AGPAT5: variants seen among roughly 807,000 people sequenced by gnomAD.
The protein encoded by AGPAT5 is 1-acylglycerol-3-phosphate O-acyltransferase 5, also known as 1-acyl-sn-glycerol-3-phosphate acyltransferase epsilon.
A neutral mutation model predicts 45.6 loss-of-function variants in AGPAT5; 46 were observed. The observed-to-expected ratio is 1.01, with a 90% CI of 0.80 to 1.29. AGPAT5 has a LOEUF of 1.29. Ranked by LOEUF, AGPAT5 falls within the 50% of genes most tolerant of loss-of-function variation. AGPAT5 has a pLI of 0.00. For missense variants in AGPAT5, 673 were observed against 450.7 expected (o/e 1.49, Z -4.47); for synonymous variants, 272 against 167.0 (o/e 1.63, Z -4.85).
Position 6,757,333 on chromosome 8 carries a change from A to G in AGPAT5, c.1040A>G (p.Asn347Ser). The change falls in exon 8 of 8, where the codon AAC becomes AGC. Residue 347 changes from asparagine to serine, a missense_variant. By Grantham distance (46) the Asn-to-Ser change is conservative. Coordinates refer to ENST00000285518, the MANE Select transcript of AGPAT5 (RefSeq NM_018361.5). Reference protein sequence around the residue: ...MTDAGRKLYVNTWIYGTLLGC... With the variant: ...MTDAGRKLYVSTWIYGTLLGC... ...GATGCTGGAAGGAAGCTGTATGTGAACACCTGGATATATGGAACCCTACTT... is the reference window on the plus strand; with the variant it reads ...GATGCTGGAAGGAAGCTGTATGTGAGCACCTGGATATATGGAACCCTACTT... The G allele has an allele frequency of 6.2e-7, 1 of 1,614,216 alleles. No homozygotes were observed. The highest frequency in any genetic ancestry group is 8.5e-7 in the Non-Finnish European group (1 of 1,180,038).
intron 6 of AGPAT5, among the ~76,000 whole-genome samples, chr8:6,752,143 C>T (rs777057743): frequency 2.0e-5 from 3 of 152,070 alleles, no homozygotes; most frequent in Non-Finnish European, 4.4e-5. Context: ...TGCCACTGGA[C>T]TCTAGCCTGG....
intron 2 of AGPAT5, among the ~76,000 whole-genome samples, chr8:6,726,244 G>A (rs1012631640): frequency 2.6e-5 from 4 of 152,210 alleles, no homozygotes; most frequent in African/African-American, 9.6e-5. Flanking sequence ...TGCTGCTGAT[G>A]GATGTTTCTT....
chr8:6,714,461 T>G (rs909742598), intron 1 of AGPAT5, among the ~76,000 whole-genome samples: 1 of 152,356 alleles, frequency 6.6e-6, no homozygotes, highest in East Asian at 1.9e-4. Context: ...AGAACTCTAT[T>G]TTTACACTTT....
rs1283189028 is a variant in AGPAT5 at position 6,757,597 on chromosome 8, G to A, written c.*209G>A. 3.8e-6 allele frequency: 2 copies of A among 529,732 alleles called. No individual in the cohort carries two copies. The highest frequency in any genetic ancestry group is 3.1e-5 in the East Asian group (1 of 32,090). 32.8% of individuals were successfully genotyped at this position (529,732 alleles called of 1,614,324 possible). ...GTACAACTTTAGCATCGGGGCTGCT[G>A]GAAGGGTAAAAGCTAAATGGAGTTT... On this transcript the variant is annotated 3_prime_UTR_variant, in exon 8 of 8. Coordinates refer to ENST00000285518, the MANE Select transcript of AGPAT5 (RefSeq NM_018361.5).
At chr8:6,723,477 C>A (rs1232056047) in intron 1 of AGPAT5, among the ~76,000 whole-genome samples, 1 of 150,718 alleles carries the variant, frequency 6.6e-6, no homozygotes, top group African/African-American at 2.4e-5. Flanking sequence ...ACCTCAGCCT[C>A]CCCAAAGCAC....
In AGPAT5 at chr8:6,759,709, AG is replaced by A. The variant is rs1474019433; in HGVS notation, c.*2322del. On this transcript the variant is annotated 3_prime_UTR_variant, in exon 8 of 8. Coordinates refer to ENST00000285518, the MANE Select transcript of AGPAT5 (RefSeq NM_018361.5). Reference sequence around the variant, plus strand: ...TTTTTTGACCCTAAAATTCACCAACAGTCTCCCAGTACATAAAATAGGCTTA... The same window carrying A: ...TTTTTTGACCCTAAAATTCACCAACATCTCCCAGTACATAAAATAGGCTTA... 3 of 152,332 alleles carry A rather than the reference AG, an allele frequency of 2.0e-5. No individual in the cohort carries two copies. The highest frequency in any genetic ancestry group is 7.2e-5 in the African/African-American group (3 of 41,570). The allele number at this position is 152,332 out of a possible 1,614,324, so 9.4% of individuals were successfully genotyped here. A position where few individuals can be genotyped will look rare whatever the true frequency, so the allele number is the denominator to read the frequency against.
intron 6 of AGPAT5, among the ~76,000 whole-genome samples, chr8:6,754,642 G>C (rs1049173839): frequency 1.3e-5 from 2 of 152,174 alleles, no homozygotes; most frequent in African/African-American, 4.8e-5. Context: ...AGTCACCATG[G>C]TGACAGGTGA....
At chr8:6,749,176 T>A (rs6989392) in intron 6 of AGPAT5, among the ~76,000 whole-genome samples, 4 of 152,144 alleles carry the variant, frequency 2.6e-5, no homozygotes, top group African/African-American at 9.7e-5. Context: ...GTCTGTTAAA[T>A]AATGATAAGA....
intron 1 of AGPAT5, among the ~76,000 whole-genome samples, chr8:6,716,882 C>T (rs1401494784): frequency 2.0e-5 from 3 of 152,094 alleles, no homozygotes; most frequent in Non-Finnish European, 4.4e-5. Flanking sequence ...GCAGAGTACT[C>T]TAGGGAATTC....
chr8:6,716,497 G>A (rs1800334163), intron 1 of AGPAT5, among the ~76,000 whole-genome samples: 1 of 151,920 alleles, frequency 6.6e-6, no homozygotes, highest in Admixed American at 6.6e-5. Context: ...GGAGGTAGAG[G>A]CTCCAGCTTG....
chr8:6,716,496 G>A (rs528409378), intron 1 of AGPAT5, among the ~76,000 whole-genome samples: 1 of 152,126 alleles, frequency 6.6e-6, no homozygotes, highest in Admixed American at 6.5e-5. Flanking sequence ...GGGAGGTAGA[G>A]GCTCCAGCTT....
chr8:6,741,762 A>C lies in AGPAT5; in HGVS notation c.586+11A>C. Reference sequence around the variant, plus strand: ...TTGCTGCCCAACGTGGTAAGTAAAAATTTGAGTGTTTGAACAAATAATTTT... The same window carrying C: ...TTGCTGCCCAACGTGGTAAGTAAAACTTTGAGTGTTTGAACAAATAATTTT... On this transcript the variant is annotated intron_variant, in intron 5 of 7. Transcript: ENST00000285518. 6.3e-7 allele frequency: 1 copy of C among 1,591,314 alleles called. No individual in the cohort carries two copies. Among genetic ancestry groups the C allele is most frequent in the Non-Finnish European group, 8.6e-7 (1 of 1,164,464 alleles).
Position 6,761,027 on chromosome 8 carries a change from T to C in AGPAT5, c.*3639T>C, listed in dbSNP as rs1338683372. Among the ~76,000 whole-genome samples, 1 of 152,208 alleles carries C rather than the reference T, an allele frequency of 6.6e-6. No homozygotes were observed. Among genetic ancestry groups the C allele is most frequent in the Non-Finnish European group, 1.5e-5 (1 of 68,030 alleles). ...AATTTGTGTATGAAAAGTAAATCTA[T>C]TCCTGTAGCAACTGGGGAGTCATAT... is the stretch of plus-strand genomic sequence containing the variant. On this transcript the variant is annotated 3_prime_UTR_variant, in exon 8 of 8. Coordinates refer to ENST00000285518, the MANE Select transcript of AGPAT5 (RefSeq NM_018361.5).
chr8:6,715,666 G>T (rs1302867044), intron 1 of AGPAT5, among the ~76,000 whole-genome samples: 1 of 152,156 alleles, frequency 6.6e-6, no homozygotes, highest in Non-Finnish European at 1.5e-5. Flanking sequence ...TATATTGGTT[G>T]AAATGAGACC....
At chr8:6,726,393 C>T (rs1269671042) in intron 2 of AGPAT5, among the ~76,000 whole-genome samples, 2 of 152,178 alleles carry the variant, frequency 1.3e-5, no homozygotes, top group Non-Finnish European at 2.9e-5. Flanking sequence ...ACAGGATTCT[C>T]TTAAAATTCC....
intron 1 of AGPAT5, among the ~76,000 whole-genome samples, chr8:6,718,147 A>G (rs1045456329): frequency 2.6e-5 from 4 of 152,194 alleles, no homozygotes; most frequent in African/African-American, 9.7e-5. Context: ...CACCCTCTAA[A>G]ATAAGAACAG....
intron 4 of AGPAT5, among the ~76,000 whole-genome samples, chr8:6,733,264 C>T (rs1279713273): frequency 6.6e-6 from 1 of 152,182 alleles, no homozygotes; most frequent in Non-Finnish European, 1.5e-5. Context: ...TCTTTCAGTA[C>T]ATGACATGTG....
chr8:6,722,943 C>T (rs192340498), intron 1 of AGPAT5, among the ~76,000 whole-genome samples: 1 of 151,828 alleles, frequency 6.6e-6, no homozygotes, highest in Non-Finnish European at 1.5e-5. Flanking sequence ...TTATGAAAAA[C>T]AAAAAGAAAA....
At chr8:6,740,124 G>T (rs1801198381) in intron 4 of AGPAT5, among the ~76,000 whole-genome samples, 1 of 152,040 alleles carries the variant, frequency 6.6e-6, no homozygotes, top group Non-Finnish European at 1.5e-5. Context: ...ATGCCTTCCT[G>T]CTGTCTGTCA....
Sources: allele counts gnomAD v4.1 joint callset (sites outside exome capture counted in the v4.1 genomes callset), GRCh38; gene constraint gnomAD v4.1.1; transcripts MANE v1.5; gene names NCBI Gene and HGNC (gene_info 2026-07-23, HGNC 2026-07-21).